Variants in GUCY1B1 observed in about 807,000 individuals in gnomAD.
GUCY1B1 encodes guanylate cyclase soluble subunit beta-1.
GUCY1B1 carries 43 observed loss-of-function variants against 71.0 expected under a neutral mutation model. The observed-to-expected ratio is 0.61, with a 90% CI of 0.47 to 0.78. GUCY1B1 has a LOEUF of 0.78. Ranked by LOEUF, GUCY1B1 falls within the 30% of genes least tolerant of loss-of-function variation. GUCY1B1 has a pLI of 0.00. For synonymous variants in GUCY1B1, 266 were observed against 259.7 expected (o/e 1.02, Z -0.23); for missense variants, 535 against 754.1 (o/e 0.71, Z 3.40).
At chr4:155,760,716 C>G (rs962490205) in intron 2 of GUCY1B1, among the ~76,000 whole-genome samples, 3 of 152,182 alleles carry the variant, frequency 2.0e-5, no homozygotes, top group Non-Finnish European at 2.9e-5. Flanking sequence ...ACTAGCTACT[C>G]CAAAACCCTA....
intron 4 of GUCY1B1, among the ~76,000 whole-genome samples, chr4:155,780,389 C>T (rs747971866): frequency 6.6e-6 from 1 of 152,110 alleles, no homozygotes; most frequent in African/African-American, 2.4e-5. Flanking sequence ...TCTGGGAAGA[C>T]GCCACTCCTC....
chr4:155,777,982 G>A (rs1440562783), intron 4 of GUCY1B1, among the ~76,000 whole-genome samples: 1 of 152,076 alleles, frequency 6.6e-6, no homozygotes, highest in Non-Finnish European at 1.5e-5. Flanking sequence ...TTATGTGTTA[G>A]ACATTTAATA....
At chr4:155,759,504 C>T (rs1656053695) in intron 1 of GUCY1B1, 1 of 507,778 alleles carries the variant, frequency 2.0e-6, no homozygotes, top group Non-Finnish European at 3.4e-6. Flanking sequence ...CGTCCCCGCG[C>T]TGCCCCCGAT....
chr4:155,785,717 T>A (rs1422452700), intron 4 of GUCY1B1, among the ~76,000 whole-genome samples: 1 of 152,206 alleles, frequency 6.6e-6, no homozygotes, highest in Non-Finnish European at 1.5e-5. Flanking sequence ...GCTGTGGTAA[T>A]TACTTTAAAT....
intron 2 of GUCY1B1, among the ~76,000 whole-genome samples, chr4:155,766,246 A>G (rs1342440213): frequency 6.6e-6 from 1 of 152,196 alleles, no homozygotes; most frequent in African/African-American, 2.4e-5. Flanking sequence ...TTCAACTACT[A>G]TTTAAATATA....
rs201839794 is a variant in GUCY1B1, at chr4:155,799,949, C to T, written c.1050C>T (p.Arg350=). 1.8e-4 allele frequency: 296 copies of T among 1,613,052 alleles called. 3 individuals carry two copies. The East Asian group carries it at 6.0e-3, about 33-fold the overall frequency. The change falls in exon 9 of 14, where the codon CGC becomes CGT. Residue 350 remains arginine, a synonymous_variant. Coordinates refer to ENST00000264424, the MANE Select transcript of GUCY1B1 (RefSeq NM_000857.5). ...LSDIPLHDAT[R]DLVLLGEQFR... ...ACATCCCTCTGCATGATGCCACGCGCGATCTTGTTCTTTTGGGAGAACAAT... is the reference window on the plus strand; with the variant it reads ...ACATCCCTCTGCATGATGCCACGCGTGATCTTGTTCTTTTGGGAGAACAAT...
chr4:155,789,967 A>G (rs145103879), intron 5 of GUCY1B1, 56 bp downstream of exon 5: 13 of 1,155,018 alleles, frequency 1.1e-5, no homozygotes, highest in African/African-American at 9.2e-5. Context: ...AATATTTTAA[A>G]TGACACTCTC....
At chr4:155,776,327 T>C (rs1561009237) in intron 3 of GUCY1B1, among the ~76,000 whole-genome samples, 2 of 152,112 alleles carry the variant, frequency 1.3e-5, no homozygotes, top group Middle Eastern at 3.2e-3. Flanking sequence ...TATCAAAAAC[T>C]GAAAAAAAGC....
rs373595864 is a variant in GUCY1B1, at chr4:155,793,984, C to A, written c.624C>A (p.Ile208=). 1 of 1,610,774 alleles carries A rather than the reference C, an allele frequency of 6.2e-7. No homozygotes were observed. Among genetic ancestry groups the A allele is most frequent in the African/African-American group, 1.3e-5 (1 of 74,888 alleles). ...FEENGTQESR[I]SPYTFCKAFP... is the part of the protein sequence containing the mutation. ...AAAATGGTACCCAGGAATCACGCATCAGCCCATATACATTCTGCAAAGCTT... is the reference window on the plus strand; with the variant it reads ...AAAATGGTACCCAGGAATCACGCATAAGCCCATATACATTCTGCAAAGCTT... Residue 208 remains isoleucine (I), a synonymous_variant, in exon 6 of 14, where the codon ATC becomes ATA. Coordinates refer to ENST00000264424, the MANE Select transcript of GUCY1B1 (RefSeq NM_000857.5).
intron 3 of GUCY1B1, among the ~76,000 whole-genome samples, chr4:155,776,435 C>A (rs1365938315): frequency 3.9e-5 from 6 of 151,996 alleles, no homozygotes. Context: ...TTTGAGAGGC[C>A]GAGGTGGGTG....
In GUCY1B1 at chr4:155,794,139, C is replaced by T; in HGVS notation, c.726+53C>T. 3 of 947,688 alleles carry T rather than the reference C, an allele frequency of 3.2e-6. No individual in the cohort carries two copies. In the South Asian group the frequency reaches 4.3e-5, roughly 13 times the overall value. 58.7% of individuals were successfully genotyped at this position (947,688 alleles called of 1,614,324 possible). On this transcript the variant is annotated intron_variant, in intron 6 of 13. Transcript: ENST00000264424. Reference sequence around the variant, plus strand: ...CCTGAGACAAAAGCCCATAGAAATACTATTGTTACAGGCAGCCATCCATTC... The same window carrying T: ...CCTGAGACAAAAGCCCATAGAAATATTATTGTTACAGGCAGCCATCCATTC...
At chr4:155,799,102 C>A (rs1739767728) in intron 8 of GUCY1B1, among the ~76,000 whole-genome samples, 1 of 152,128 alleles carries the variant, frequency 6.6e-6, no homozygotes, top group Non-Finnish European at 1.5e-5. Flanking sequence ...TCCCAAAGTC[C>A]TAGGATTACA....
At chr4:155,805,884 A>T (rs1197497167) in intron 13 of GUCY1B1, among the ~76,000 whole-genome samples, 2 of 152,162 alleles carry the variant, frequency 1.3e-5, no homozygotes, top group East Asian at 3.8e-4. Flanking sequence ...CACACCTCTC[A>T]TAGAGGCCTT....
In GUCY1B1 at chr4:155,786,615, A is replaced by G. The variant is rs1054170490; in HGVS notation, c.298-3099A>G. Among the ~76,000 whole-genome samples, 13 of 150,254 alleles carry G rather than the reference A, an allele frequency of 8.7e-5. No homozygotes were observed. The East Asian group carries it at 1.2e-3, about 14-fold the overall frequency. ...CTCCTGAGTGGCTGGGATTACAGGC[A>G]CCCACCGCCACACCCTGCTAATTTC... On this transcript the variant is annotated intron_variant, in intron 4 of 13. Transcript: ENST00000264424.
intron 8 of GUCY1B1, among the ~76,000 whole-genome samples, chr4:155,799,245 G>T: frequency 6.6e-6 from 1 of 152,040 alleles, no homozygotes; most frequent in East Asian, 1.9e-4. Context: ...CAATGATGAC[G>T]CATAAAATTC....
intron 2 of GUCY1B1, among the ~76,000 whole-genome samples, chr4:155,760,629 T>C (rs1032841435): frequency 6.6e-6 from 1 of 152,156 alleles, no homozygotes; most frequent in Non-Finnish European, 1.5e-5. Flanking sequence ...TATTTCACTC[T>C]AATAAAGTTG....
intron 11 of GUCY1B1, 84 bp from the exon 12 acceptor site, chr4:155,804,509 T>C: frequency 1.9e-6 from 2 of 1,047,668 alleles, no homozygotes; most frequent in Non-Finnish European, 2.9e-6. Context: ...TGCACCTGTA[T>C]GCCAGAACTT....
intron 2 of GUCY1B1, among the ~76,000 whole-genome samples, chr4:155,763,615 C>A (rs978578336): frequency 7.2e-5 from 11 of 151,970 alleles, no homozygotes; most frequent in African/African-American, 2.4e-4. Context: ...CTGCCTATAA[C>A]TCAAATACGG....
At chr4:155,804,542 A>T in intron 11 of GUCY1B1, 51 bp from the exon 12 acceptor site, 1 of 1,454,750 alleles carries the variant, frequency 6.9e-7, no homozygotes. Context: ...AAAAAAAAAA[A>T]TTCATGTGTT....
Sources: gnomAD v4.1 joint callset for allele counts (sites outside exome capture counted in the v4.1 genomes callset) on GRCh38, gnomAD v4.1.1 for gene constraint, MANE v1.5 for transcripts, NCBI Gene and HGNC (gene_info 2026-07-23, HGNC 2026-07-21) for gene names.